The following COX7B2 variants were observed in gnomAD, a reference collection of about 807,000 sequenced individuals.
The protein encoded by COX7B2 is cytochrome c oxidase subunit 7B2.
For missense variants in COX7B2, 109 were observed against 95.9 expected, an observed-to-expected ratio of 1.14 and a Z score of -0.57; for synonymous variants, 37 against 32.1, an observed-to-expected ratio of 1.15 and a Z score of -0.51.
chr4:46,788,964 T>A (rs1560381614), intron 2 of COX7B2, among the ~76,000 whole-genome samples: 1 of 152,174 alleles, frequency 6.6e-6, no homozygotes, highest in African/African-American at 2.4e-5. Flanking sequence ...CTCGGCCTGT[T>A]TCCTAAAATA....
intron 1 of COX7B2, among the ~76,000 whole-genome samples, chr4:46,861,777 G>A (rs1002190): frequency 0.37 from 55,766 of 151,988 alleles, 10,387 homozygotes; most frequent in South Asian, 0.49. Context: ...CGAAGCAGCT[G>A]TGCCAGTTTT....
At chr4:46,907,718 A>C (rs904682613) in intron 1 of COX7B2, among the ~76,000 whole-genome samples, 7 of 148,686 alleles carry the variant, frequency 4.7e-5, no homozygotes, top group African/African-American at 1.7e-4. Flanking sequence ...CTGTGAGATA[A>C]AAAAAAAAAT....
intron 1 of COX7B2, among the ~76,000 whole-genome samples, chr4:46,874,856 T>G (rs1200735381): frequency 7.9e-5 from 12 of 152,232 alleles, no homozygotes; most frequent in Admixed American, 7.9e-4. Flanking sequence ...TTGTTGTTTT[T>G]GTTTGTACAT....
intron 2 of COX7B2, 111 bp downstream of exon 2, chr4:46,844,849 T>C (rs1716165974): frequency 6.6e-6 from 1 of 152,062 alleles, no homozygotes; most frequent in African/African-American, 2.4e-5. Flanking sequence ...TTTTTAAAAA[T>C]GAATTCAGTG....
rs533165699 is a variant in COX7B2, at chr4:46,873,652, A to C, written c.-104-28638T>G. On this transcript the variant is annotated intron_variant, in intron 1 of 2. Transcript: ENST00000355591. ...ATCACCTAGAATATGGTAGGAGCTT[A>C]ATAAATTTTGCTATTACTATTTTTT... Among the ~76,000 whole-genome samples, 8 of 152,296 alleles carry C rather than the reference A, an allele frequency of 5.3e-5. No homozygotes were observed. The East Asian group carries it at 1.5e-3, about 29-fold the overall frequency.
chr4:46,777,945 G>T (rs2109540616), intron 2 of COX7B2, among the ~76,000 whole-genome samples: 1 of 152,154 alleles, frequency 6.6e-6, no homozygotes, highest in Middle Eastern at 3.4e-3. Context: ...ATGAAGGCAT[G>T]GATTTCCATC....
chr4:46,767,973 G>A (rs1056442975), intron 2 of COX7B2, among the ~76,000 whole-genome samples: 125 of 152,362 alleles, frequency 8.2e-4, no homozygotes, highest in Non-Finnish European at 7.3e-5. Flanking sequence ...GGGCTGGGGC[G>A]AGTGCCTTTG....
rs184037457 is a variant in COX7B2 at position 46,838,710 on chromosome 4, T to C, written c.-50+6250A>G. 2.0e-3 allele frequency among the ~76,000 whole-genome samples: 299 copies of C among 152,166 alleles called. 1 individual carries two copies. Among genetic ancestry groups the C allele is most frequent in the African/African-American group, 6.8e-3 (282 of 41,534 alleles). The stretch of plus-strand genomic sequence containing the variant: ...TCCTTACTATTCAAAACCTAGATCA[T>C]TGGCAGCTTTCATTTCACTTGTCTT... On this transcript the variant is annotated intron_variant, in intron 2 of 2. Transcript: ENST00000355591.
intron 2 of COX7B2, among the ~76,000 whole-genome samples, chr4:46,829,460 A>G (rs150535531): frequency 1.3e-5 from 2 of 151,998 alleles, no homozygotes; most frequent in Non-Finnish European, 2.9e-5. Flanking sequence ...TTAACATGCA[A>G]TTTTTTTTCC....
intron 2 of COX7B2, among the ~76,000 whole-genome samples, chr4:46,755,930 G>A (rs1390479805): frequency 6.6e-6 from 1 of 151,832 alleles, no homozygotes; most frequent in East Asian, 1.9e-4. Flanking sequence ...CAAATGACCA[G>A]TATCAGTTTT....
chr4:46,797,271 T>C lies in COX7B2; in HGVS notation c.-50+47689A>G, dbSNP rs1443861930. On this transcript the variant is annotated intron_variant, in intron 2 of 2. Coordinates refer to ENST00000355591, the MANE Select transcript of COX7B2 (RefSeq NM_130902.3). ...GGGAAAAGGTAAAAGTAAGACCTTT[T>C]GGGAACTACTGGACCCTGGCTCTGA... Among the ~76,000 whole-genome samples, 3 of 152,048 alleles carry C rather than the reference T, an allele frequency of 2.0e-5. No individual in the cohort carries two copies. In the East Asian group the frequency reaches 5.8e-4, roughly 29 times the overall value.
At chr4:46,838,523 T>C (rs1210621504) in intron 2 of COX7B2, among the ~76,000 whole-genome samples, 1 of 152,036 alleles carries the variant, frequency 6.6e-6, no homozygotes, top group Non-Finnish European at 1.5e-5. Flanking sequence ...TAATTCACTA[T>C]CAGAAGTGGT....
At chr4:46,765,392 C>T (rs1716469989) in intron 2 of COX7B2, among the ~76,000 whole-genome samples, 1 of 152,140 alleles carries the variant, frequency 6.6e-6, no homozygotes. Flanking sequence ...CCAGTGAATC[C>T]TAGTACTAGA....
chr4:46,837,813 G>A (rs2109746796), intron 2 of COX7B2, among the ~76,000 whole-genome samples: 1 of 152,010 alleles, frequency 6.6e-6, no homozygotes, highest in Non-Finnish European at 1.5e-5. Context: ...GCTGTTTGTT[G>A]CCACATTTTA....
chr4:46,872,359 G>GT (rs752788409), intron 1 of COX7B2, among the ~76,000 whole-genome samples: 18 of 151,768 alleles, frequency 1.2e-4, no homozygotes, highest in Non-Finnish European at 2.5e-4. Flanking sequence ...AGCAGAAAAC[G>GT]TAACTATTGA....
chr4:46,761,739 C>T (rs1577674198), intron 2 of COX7B2, among the ~76,000 whole-genome samples: 1 of 152,084 alleles, frequency 6.6e-6, no homozygotes, highest in South Asian at 2.1e-4. Context: ...TTTTATTCTG[C>T]CCTTCTCAGA....
At chr4:46,882,245 G>C (rs1406495891) in intron 1 of COX7B2, among the ~76,000 whole-genome samples, 1 of 152,108 alleles carries the variant, frequency 6.6e-6, no homozygotes, top group Non-Finnish European at 1.5e-5. Context: ...TGTACCATTT[G>C]GCGACGAGAA....
intron 2 of COX7B2, among the ~76,000 whole-genome samples, chr4:46,766,682 CAA>C (rs1324534341): frequency 3.0e-5 from 3 of 99,894 alleles, no homozygotes; most frequent in Admixed American, 2.8e-4. Context: ...GCATGGGTGA[CAA>C]AGAGAGACTC....
chr4:46,848,667 C>G (rs550973129), intron 1 of COX7B2, among the ~76,000 whole-genome samples: 1 of 152,044 alleles, frequency 6.6e-6, no homozygotes, highest in East Asian at 1.9e-4. Context: ...TAAAAAATAG[C>G]GTATTTAAAG....
Sources: allele counts gnomAD v4.1 joint callset (sites outside exome capture counted in the v4.1 genomes callset), GRCh38; gene constraint gnomAD v4.1.1; transcripts MANE v1.5; gene names NCBI Gene and HGNC (gene_info 2026-07-23, HGNC 2026-07-21).